POLE: variants seen among roughly 807,000 people sequenced by gnomAD.
POLE encodes DNA polymerase epsilon catalytic subunit A.
In POLE, 188 loss-of-function variants were observed where a neutral mutation model predicts 279.2. The ratio of observed to expected loss-of-function variants is 0.67; its 90% CI spans 0.60 to 0.76. The LOEUF (loss-of-function observed/expected upper bound fraction) is 0.76, where lower values mean the gene tolerates loss of function less well. Ranked by LOEUF, POLE falls within the 30% of genes least tolerant of loss-of-function variation. The pLI, the probability that POLE is intolerant of heterozygous loss-of-function variation, is 0.00. For missense variants in POLE, 2,703 were observed against 3,016.7 expected (o/e 0.90, Z 2.44); for synonymous variants, 1,214 against 1,172.5 (o/e 1.04, Z -0.72).
Position 132,676,622 on chromosome 12 carries a change from G to A in POLE, c.833C>T (p.Thr278Met), listed in dbSNP as rs764254754. ...DPVVLAFDIE[T>M]TKLPLKFPDA... is the part of the protein sequence containing the mutation. ...AGGAAACTTGAGGGGCAGTTTGGTC[G>A]TCTCAATGTCAAATGCCAAAACCAC... The change falls in exon 9 of 49, where the codon ACG (threonine) becomes ATG (methionine). Residue 278 changes from threonine to methionine, a missense_variant. By Grantham distance (81) the Thr-to-Met change is moderately conservative. Coordinates refer to ENST00000320574, the MANE Select transcript of POLE (RefSeq NM_006231.4). 1.2e-5 allele frequency: 20 copies of A among 1,613,324 alleles called. No homozygotes were observed. The highest frequency in any genetic ancestry group is 3.3e-5 in the South Asian group (3 of 91,038).
At chr12:132,646,248 GA>G (rs755332011) in intron 32 of POLE, among the ~76,000 whole-genome samples, 6 of 152,118 alleles carry the variant, frequency 3.9e-5, no homozygotes, top group Admixed American at 6.5e-5. Flanking sequence ...CAGAAATACA[GA>G]AATCAGGCCA....
At chr12:132,630,603 T>TG (rs913853007) in intron 45 of POLE, among the ~76,000 whole-genome samples, 14 of 151,370 alleles carry the variant, frequency 9.2e-5, no homozygotes, top group South Asian at 2.1e-4. Context: ...TACAAAAAAT[T>TG]GGGGGGGCGT....
chr12:132,628,690 A>C (rs918716871), intron 45 of POLE, among the ~76,000 whole-genome samples: 5 of 149,532 alleles, frequency 3.3e-5, no homozygotes, highest in Non-Finnish European at 7.4e-5. Context: ...CAAAACAAAA[A>C]ACTACTTTAC....
chr12:132,680,004 G>GA lies in POLE; in HGVS notation c.372dup (p.Gln125SerfsTer79). On this transcript the variant is annotated frameshift_variant, in exon 5 of 49. Transcript: ENST00000320574. LOFTEE classifies it high-confidence loss of function. Reference sequence around the variant, plus strand: ...GTCTCCACTTTTGCAATTTTGCCCTGAAACTTCTTGGAGAGAAAAGATGAA... The same window carrying GA: ...GTCTCCACTTTTGCAATTTTGCCCTGAAAACTTCTTGGAGAGAAAAGATGAA... The GA allele has an allele frequency of 6.2e-7, 1 of 1,614,088 alleles. No individual in the cohort carries two copies. Among genetic ancestry groups the GA allele is most frequent in the Non-Finnish European group, 8.5e-7 (1 of 1,179,948 alleles).
At chr12:132,686,229 G>T (rs1473140158) in intron 1 of POLE, among the ~76,000 whole-genome samples, 1 of 151,770 alleles carries the variant, frequency 6.6e-6, no homozygotes, top group East Asian at 2.0e-4. Flanking sequence ...TTTACCGTTT[G>T]CTCTGGCCAC....
At chr12:132,638,378 A>T in intron 40 of POLE, 1 of 319,700 alleles carries the variant, frequency 3.1e-6, no homozygotes, top group Non-Finnish European at 5.7e-6. Flanking sequence ...TCACAGAAAA[A>T]TGGCAACTTT....
intron 23 of POLE, among the ~76,000 whole-genome samples, chr12:132,663,364 A>AT: frequency 6.6e-6 from 1 of 152,174 alleles, no homozygotes; most frequent in Admixed American, 6.5e-5. Flanking sequence ...ACAAACCAAC[A>AT]CGATGCGTGT....
At chr12:132,671,995 C>A (rs944010537) in intron 16 of POLE, among the ~76,000 whole-genome samples, 3 of 152,188 alleles carry the variant, frequency 2.0e-5, no homozygotes, top group Admixed American at 1.3e-4. Flanking sequence ...CATGTTACTG[C>A]ATTTCAGGAG....
chr12:132,635,460 C>T (rs2042012285), intron 42 of POLE, among the ~76,000 whole-genome samples: 1 of 152,232 alleles, frequency 6.6e-6, no homozygotes, highest in Non-Finnish European at 1.5e-5. Context: ...ACAGAAGCTC[C>T]CATCCCCACG....
rs199613242 is a variant in POLE at position 132,626,268 on chromosome 12, C to T, written c.6380G>A (p.Arg2127Gln). 4.3e-6 allele frequency: 7 copies of T among 1,613,874 alleles called. No homozygotes were observed. The Admixed American group carries it at 5.0e-5, about 12-fold the overall frequency. ...NITNQVNKLN[R>Q]DLLRLVDVGE... ...GACATCCACCAGGCGAAGCAGGTCT[C>T]GGTTCAGCTTATTCACCTGGTTTGT... The change falls in exon 46 of 49, where the codon CGA (arginine) becomes CAA (glutamine). Residue 2127 changes from arginine (R) to glutamine (Q), a missense_variant. Arg to Gln is a conservative substitution (Grantham distance 43). Around this residue, in one of 5 missense-constraint regions of POLE, gnomAD observed 1,551 missense variants for 1,686.1 expected, o/e 0.92. Transcript: ENST00000320574.
chr12:132,683,849 C>G (rs1279903905), intron 1 of POLE, among the ~76,000 whole-genome samples: 1 of 152,236 alleles, frequency 6.6e-6, no homozygotes, highest in Non-Finnish European at 1.5e-5. Flanking sequence ...CACTTTTAAT[C>G]CAGGGACAGT....
At chr12:132,685,330 C>G (rs951937086) in intron 1 of POLE, among the ~76,000 whole-genome samples, 4 of 150,646 alleles carry the variant, frequency 2.7e-5, no homozygotes, top group African/African-American at 4.9e-5. Flanking sequence ...CTCTCATTCA[C>G]AGAGAGCTAC....
At position 132,685,479 on chromosome 12, in the gene POLE, C is replaced by T. The variant is rs576765344; in HGVS notation, c.62+1775G>A. Among the ~76,000 whole-genome samples the T allele has an allele frequency of 1.0e-4, 16 of 152,382 alleles. No individual in the cohort carries two copies. In the South Asian group the frequency reaches 3.3e-3, roughly 32 times the overall value. On this transcript the variant is annotated intron_variant, in intron 1 of 48. Coordinates refer to ENST00000320574, the MANE Select transcript of POLE (RefSeq NM_006231.4). ...AACGCAGGCAAACAGCACCCACTGC[C>T]TCCTGGGGCACACTCACCTCCCAGG...
chr12:132,657,239 C>T lies in POLE; in HGVS notation c.3479G>A (p.Arg1160His), dbSNP rs757902862. 6 of 1,613,914 alleles carry T rather than the reference C, an allele frequency of 3.7e-6. No individual in the cohort carries two copies. Among genetic ancestry groups the T allele is most frequent in the East Asian group, 2.2e-5 (1 of 44,888 alleles). The change falls in exon 29 of 49, where the codon CGT (arginine) becomes CAT (histidine). Residue 1160 changes from arginine (R) to histidine (H), a missense_variant. By Grantham distance (29) the Arg-to-His change is conservative. This residue lies in a region of POLE where 1,551 missense variants were observed against 1,686.1 expected (regional missense o/e 0.92). Coordinates refer to ENST00000320574, the MANE Select transcript of POLE (RefSeq NM_006231.4). ...ALQQVKNPVP[R>H]VKHPDWLHKK... ...GTGCAGCCAGTCGGGGTGTTTGACA[C>T]GTGGCACTGGGTTCTTTACCTGTGT...
chr12:132,632,830 C>T (rs763510875), intron 43 of POLE, 35 bp from the exon 44 acceptor site: 7 of 1,558,790 alleles, frequency 4.5e-6, no homozygotes, highest in African/African-American at 1.4e-5. Flanking sequence ...GGCCCTGAGT[C>T]GGGCTGCTGC....
chr12:132,671,254 C>A (rs949333755), intron 16 of POLE, among the ~76,000 whole-genome samples: 2 of 99,204 alleles, frequency 2.0e-5, no homozygotes, highest in African/African-American at 9.8e-5. Flanking sequence ...CAGAGCAAGA[C>A]TCCGTCTCAA....
Position 132,649,376 on chromosome 12 carries a change from G to T in POLE, c.3935C>A (p.Ala1312Asp), listed in dbSNP as rs2042364271. Residue 1312 changes from alanine to aspartate, a missense_variant, in exon 31 of 49, where the codon GCC (alanine) becomes GAC (aspartate). By Grantham distance (126) the Ala-to-Asp change is moderately radical (BLOSUM62 -2). Around this residue, in one of 5 missense-constraint regions of POLE, gnomAD observed 1,551 missense variants for 1,686.1 expected, o/e 0.92. Coordinates refer to ENST00000320574, the MANE Select transcript of POLE (RefSeq NM_006231.4). ...TCGCAAGAAGCTCCCCAGCCCCGTG[G>T]CAGGACCATCCCGGATGGCCCCGGG... ...LRPGAIRDGP[A>D]TGLGSFLRRT... 6.2e-7 allele frequency: 1 copy of T among 1,613,404 alleles called. No homozygotes were observed. The highest frequency in any genetic ancestry group is 1.7e-5 in the Admixed American group (1 of 60,008).
chr12:132,676,768 C>CTA, intron 8 of POLE, 115 bp from the exon 9 acceptor site: 1 of 694,312 alleles, frequency 1.4e-6, no homozygotes, highest in Non-Finnish European at 2.6e-6. Flanking sequence ...TCAAAAGGCT[C>CTA]TAGAGCTGGG....
At chr12:132,672,582 C>G in intron 15 of POLE, 45 bp downstream of exon 15, 1 of 1,584,864 alleles carries the variant, frequency 6.3e-7, no homozygotes, top group Non-Finnish European at 8.7e-7. Flanking sequence ...GGTCCTACCA[C>G]AGCACAAGAG....
Sources: gnomAD v4.1 joint callset for allele counts (sites outside exome capture counted in the v4.1 genomes callset) on GRCh38, gnomAD v4.1.1 for gene constraint, gnomAD v4.1.1 regional missense constraint, MANE v1.5 for transcripts, NCBI Gene and HGNC (gene_info 2026-07-23, HGNC 2026-07-21) for gene names.